Variants in CEP83 observed in about 807,000 individuals in gnomAD.
The protein encoded by CEP83 is centrosomal protein of 83 kDa.
In CEP83, 70 loss-of-function variants were observed where a neutral mutation model predicts 101.9. The observed-to-expected ratio is 0.69, with a 90% CI of 0.57 to 0.84. CEP83 has a LOEUF of 0.84. Among genes scored for constraint, CEP83 ranks in the 40% least tolerant of loss-of-function variants. CEP83 has a pLI of 0.00. For missense variants in CEP83, 715 were observed against 787.2 expected, an observed-to-expected ratio of 0.91 and a Z score of 1.10; for synonymous variants, 264 against 267.9, an observed-to-expected ratio of 0.99 and a Z score of 0.14.
chr12:94,285,195 G>A, the CEP83 span, among the ~76,000 whole-genome samples: 4 of 152,140 alleles, frequency 2.6e-5, no homozygotes, highest in South Asian at 2.1e-4. Flanking sequence ...CCAGCACACC[G>A]GGAGGGTAGG....
chr12:94,422,942 G>C (rs1195982295), intron 2 of CEP83, among the ~76,000 whole-genome samples: 1 of 152,010 alleles, frequency 6.6e-6, no homozygotes, highest in Non-Finnish European at 1.5e-5. Flanking sequence ...CACATTTTCA[G>C]TTTGGGGGTG....
At chr12:94,295,635 C>T in the CEP83 span, among the ~76,000 whole-genome samples, 10 of 152,258 alleles carry the variant, frequency 6.6e-5, no homozygotes, top group African/African-American at 2.4e-4. Flanking sequence ...TCATCAGCCC[C>T]TCTGTCAAAA....
chr12:94,300,233 G>C, the CEP83 span, among the ~76,000 whole-genome samples: 7 of 152,176 alleles, frequency 4.6e-5, no homozygotes, highest in Admixed American at 1.3e-4. Context: ...GTGCAGTGGA[G>C]AAAGTAGGAA....
chr12:94,358,971 C>A (rs549560852), intron 11 of CEP83, among the ~76,000 whole-genome samples: 1 of 152,206 alleles, frequency 6.6e-6, no homozygotes, highest in Non-Finnish European at 1.5e-5. Flanking sequence ...ATACCTGGCC[C>A]GCCCAGGGCA....
At chr12:94,378,629 A>T (rs1041349106) in intron 7 of CEP83, among the ~76,000 whole-genome samples, 162 bp downstream of exon 7, 1 of 152,208 alleles carries the variant, frequency 6.6e-6, no homozygotes, top group Non-Finnish European at 1.5e-5. Flanking sequence ...CTTATGAATC[A>T]ATAGCTTTCT....
At chr12:94,351,338 G>C (rs1251359717) in intron 11 of CEP83, among the ~76,000 whole-genome samples, 1 of 152,108 alleles carries the variant, frequency 6.6e-6, no homozygotes, top group Non-Finnish European at 1.5e-5. Flanking sequence ...TCCAGAGAAG[G>C]AACACACACT....
chr12:94,391,844 T>C (rs187317582), intron 6 of CEP83, among the ~76,000 whole-genome samples: 3 of 150,072 alleles, frequency 2.0e-5, no homozygotes, highest in East Asian at 3.9e-4. Flanking sequence ...TCCTAGTCTC[T>C]GATAAAACAA....
At chr12:94,339,196 C>T (rs1386022264) in intron 11 of CEP83, among the ~76,000 whole-genome samples, 1 of 152,154 alleles carries the variant, frequency 6.6e-6, no homozygotes, top group Non-Finnish European at 1.5e-5. Context: ...GAACTCCCGA[C>T]CTCAGGTAAT....
rs968094726 is a variant in CEP83 at position 94,412,435 on chromosome 12, C to T, written c.56G>A (p.Gly19Asp). ...AGAACCTGTCAATCCACTGTCTCCA[C>T]CAGGAGGAAAATTATTGGGAAAAGT... ...MDTFPNNFPP[G>D]GDSGLTGSQS... Residue 19 changes from glycine (G) to aspartate (D), a missense_variant, in exon 3 of 17, where the codon GGT (glycine) becomes GAT (aspartate). Coordinates refer to ENST00000397809, the MANE Select transcript of CEP83 (RefSeq NM_016122.3). 6.2e-7 allele frequency: 1 copy of T among 1,612,434 alleles called. No individual in the cohort carries two copies. The highest frequency in any genetic ancestry group is 1.3e-5 in the African/African-American group (1 of 74,802).
At chr12:94,396,427 T>C (rs1468258489) in intron 6 of CEP83, among the ~76,000 whole-genome samples, 1 of 151,648 alleles carries the variant, frequency 6.6e-6, no homozygotes, top group East Asian at 1.9e-4. Flanking sequence ...TAGCTGGGAC[T>C]ACAGGTGCGT....
chr12:94,280,088 C>T, the CEP83 span: 5 of 330,762 alleles, frequency 1.5e-5, no homozygotes, highest in Non-Finnish European at 2.4e-5. Flanking sequence ...TAACTCTAGC[C>T]TGCTAGAAAG....
At chr12:94,295,845 C>T in the CEP83 span, among the ~76,000 whole-genome samples, 1 of 152,204 alleles carries the variant, frequency 6.6e-6, no homozygotes, top group Non-Finnish European at 1.5e-5. Flanking sequence ...TCTGCCTTCT[C>T]TCCTCAAAGC....
intron 2 of CEP83, chr12:94,424,755 G>C: frequency 3.1e-6 from 5 of 1,612,018 alleles, no homozygotes; most frequent in Non-Finnish European, 3.4e-6. Flanking sequence ...AGCTTGACAA[G>C]ATCTTGGTCA....
intron 6 of CEP83, among the ~76,000 whole-genome samples, chr12:94,388,760 CTG>C (rs771599954): frequency 6.6e-6 from 1 of 152,092 alleles, no homozygotes; most frequent in African/African-American, 2.4e-5. Flanking sequence ...CATTTTAATT[CTG>C]TGTGTTATTA....
intron 11 of CEP83, among the ~76,000 whole-genome samples, chr12:94,341,704 T>C (rs1450103693): frequency 6.6e-6 from 1 of 152,160 alleles, no homozygotes; most frequent in East Asian, 1.9e-4. Context: ...ACTAACAGAA[T>C]AGAAAATTAT....
At chr12:94,353,879 T>G (rs2060317411) in intron 11 of CEP83, among the ~76,000 whole-genome samples, 1 of 151,220 alleles carries the variant, frequency 6.6e-6, no homozygotes, top group Non-Finnish European at 1.5e-5. Flanking sequence ...GTTTTTAAGC[T>G]GTAAAGAGAC....
intron 11 of CEP83, among the ~76,000 whole-genome samples, chr12:94,354,410 T>A (rs2060347548): frequency 6.6e-6 from 1 of 152,208 alleles, no homozygotes; most frequent in African/African-American, 2.4e-5. Flanking sequence ...GCTCTCCAAC[T>A]CCTGACCTCA....
chr12:94,396,240 C>T, intron 6 of CEP83, among the ~76,000 whole-genome samples: 1 of 150,620 alleles, frequency 6.6e-6, no homozygotes, highest in East Asian at 1.9e-4. Context: ...TATGAAGTCC[C>T]AGACTTAATA....
At chr12:94,406,679 T>C (rs886312137) in intron 4 of CEP83, among the ~76,000 whole-genome samples, 2 of 152,120 alleles carry the variant, frequency 1.3e-5, no homozygotes, top group Non-Finnish European at 2.9e-5. Flanking sequence ...CCCAGCACTT[T>C]GGGAGGCCGA....
Sources: allele counts gnomAD v4.1 joint callset (sites outside exome capture counted in the v4.1 genomes callset), GRCh38; gene constraint gnomAD v4.1.1; transcripts MANE v1.5; gene names NCBI Gene and HGNC (gene_info 2026-07-23, HGNC 2026-07-21).